The following PIAS4 variants were observed in gnomAD, a reference collection of about 807,000 sequenced individuals.
PIAS4 encodes the protein E3 SUMO-protein ligase PIAS4.
In PIAS4, 7 loss-of-function variants were observed where a neutral mutation model predicts 58.0. The ratio of observed to expected loss-of-function variants is 0.12; its 90% confidence interval spans 0.07 to 0.23. PIAS4 has a LOEUF of 0.23. PIAS4 is among the 10% of genes least tolerant of loss of function. PIAS4 has a pLI of 1.00. For synonymous variants in PIAS4, 364 were observed against 312.4 expected, an observed-to-expected ratio of 1.17 and a Z score of -1.74; for missense variants, 550 against 709.5, an observed-to-expected ratio of 0.78 and a Z score of 2.55.
At chr19:4,015,466 C>T (rs2040042936) in intron 2 of PIAS4, among the ~76,000 whole-genome samples, 1 of 152,202 alleles carries the variant, frequency 6.6e-6, no homozygotes, top group Non-Finnish European at 1.5e-5. Context: ...CATCCCCACC[C>T]TGCCTCTCTC....
At chr19:4,035,067 T>C (rs1426199859) in intron 9 of PIAS4, among the ~76,000 whole-genome samples, 1 of 151,914 alleles carries the variant, frequency 6.6e-6, no homozygotes, top group African/African-American at 2.4e-5. Context: ...AAAAGCAGTT[T>C]TGCAAGCAGG....
intron 2 of PIAS4, among the ~76,000 whole-genome samples, chr19:4,022,766 A>C (rs2040123059): frequency 6.6e-6 from 1 of 150,752 alleles, no homozygotes; most frequent in African/African-American, 2.4e-5. Flanking sequence ...TTTGCCTCTC[A>C]GCTTCAGACA....
chr19:4,037,618 C>A lies in PIAS4; in HGVS notation c.1276C>A (p.Pro426Thr). ...CACCCTGTCCCTGTTGCCCGTAGGC[C>A]CCTCGGACGCCAATGGGCTCCTGCC... ...SPQGAILVLGPSDANGLLPAP... is the reference protein window; with the variant it reads ...SPQGAILVLGTSDANGLLPAP... The change falls in exon 11 of 11, where the codon CCC becomes ACC. Residue 426 changes from proline to threonine, a missense_variant and splice_region_variant. Pro to Thr is a conservative substitution (Grantham distance 38). Coordinates refer to ENST00000262971, the MANE Select transcript of PIAS4 (RefSeq NM_015897.4). This position sits in a 1 kb window ranked among gnomAD's most constrained non-coding sequence, Gnocchi z 5.8. 1 of 1,610,094 alleles carries A rather than the reference C, an allele frequency of 6.2e-7. No homozygotes were observed. Among genetic ancestry groups the A allele is most frequent in the South Asian group, 1.1e-5 (1 of 91,082 alleles).
intron 1 of PIAS4, among the ~76,000 whole-genome samples, chr19:4,011,700 AGGTGTGTGG>A (rs1400926994): frequency 1.9e-5 from 2 of 107,800 alleles, no homozygotes; most frequent in Admixed American, 8.9e-5. Flanking sequence ...TGGGGTGTGG[AGGTGTGTGG>A]GGTGTGGAGG....
At chr19:4,021,956 C>A (rs1405523183) in intron 2 of PIAS4, among the ~76,000 whole-genome samples, 1 of 151,862 alleles carries the variant, frequency 6.6e-6, no homozygotes, top group East Asian at 1.9e-4. Context: ...ACTTTGTTGC[C>A]CAGGCTGGCC....
chr19:4,029,125 C>T (rs2040198251), intron 7 of PIAS4, 89 bp downstream of exon 7: 3 of 898,448 alleles, frequency 3.3e-6, no homozygotes, highest in Non-Finnish European at 3.5e-6. Flanking sequence ...GCCCTGCACC[C>T]GGAGGAGATC....
chr19:4,009,205 C>T (rs2039970400), intron 1 of PIAS4, among the ~76,000 whole-genome samples: 4 of 152,252 alleles, frequency 2.6e-5, no homozygotes, highest in Middle Eastern at 3.4e-3. Context: ...CTTCTCGGTC[C>T]TCTCACATTA....
Position 4,038,813 on chromosome 19 carries a change from C to G in PIAS4, c.*938C>G, listed in dbSNP as rs1490591052. 6.5e-6 allele frequency: 1 copy of G among 153,282 alleles called. No homozygotes were observed. The highest frequency in any genetic ancestry group is 6.5e-5 in the Admixed American group (1 of 15,294). 9.5% of individuals were successfully genotyped at this position (153,282 alleles called of 1,614,324 possible). A position where few individuals can be genotyped will look rare whatever the true frequency, so the allele number is the denominator to read the frequency against. On this transcript the variant is annotated 3_prime_UTR_variant, in exon 11 of 11. Transcript: ENST00000262971. This position sits in a 1 kb window ranked among gnomAD's most constrained non-coding sequence, Gnocchi z 4.1. ...CAGGGACCCCGGCCACCCCGGCTCT[C>G]GGTTTGGGTTGATTCCTCTCCTTTT...
chr19:4,037,845 C>T lies in PIAS4; in HGVS notation c.1503C>T (p.Pro501=). Residue 501 remains proline, a synonymous_variant, in exon 11 of 11, where the codon CCC becomes CCT. Transcript: ENST00000262971. This position sits in a 1 kb window ranked among gnomAD's most constrained non-coding sequence, Gnocchi z 5.8. ...GGCCCCGGCCCAAGCGCCGCTGCCC[C>T]TTCCAGAAGGGCCTGGTGCCGGCCT... ...EEGPRPKRRC[P]FQKGLVPAC 6.4e-7 allele frequency: 1 copy of T among 1,567,936 alleles called. No homozygotes were observed. The highest frequency in any genetic ancestry group is 8.6e-7 in the Non-Finnish European group (1 of 1,158,864).
chr19:4,020,418 T>C (rs1016104182), intron 2 of PIAS4, among the ~76,000 whole-genome samples: 7 of 152,134 alleles, frequency 4.6e-5, no homozygotes, highest in African/African-American at 1.7e-4. Flanking sequence ...TCGCCATCCC[T>C]GTTCTAAAGG....
chr19:4,035,384 T>C lies in PIAS4; in HGVS notation c.1142+1804T>C, dbSNP rs146447435. On this transcript the variant is annotated intron_variant, in intron 9 of 10. Transcript: ENST00000262971. ...TTTCCCTTCCTGCGGGTGGGGAGACTGAGGCCCTTTGGCTAAGACGGGTTG... is the reference window on the plus strand; with the variant it reads ...TTTCCCTTCCTGCGGGTGGGGAGACCGAGGCCCTTTGGCTAAGACGGGTTG... Among the ~76,000 whole-genome samples, 924 of 152,244 alleles carry C rather than the reference T, an allele frequency of 6.1e-3. 2 individuals are homozygous for C. The highest frequency in any genetic ancestry group is 8.5e-3 in the Non-Finnish European group (578 of 67,994).
At position 4,033,455 on chromosome 19, in the gene PIAS4, A is replaced by G. The variant is rs771233520; in HGVS notation, c.1017A>G (p.Ala339=). The G allele has an allele frequency of 6.4e-6, 10 of 1,565,616 alleles. No homozygotes were observed. Among genetic ancestry groups the G allele is most frequent in the Non-Finnish European group, 8.7e-6 (10 of 1,155,910 alleles). The stretch of plus-strand genomic sequence containing the variant: ...TGCGGCTCTCCGTGCCCTGCCGGGC[A>G]GAGACCTGTGCCCACCTGCAGTGCT... ...VKMRLSVPCR[A]ETCAHLQCFD... Residue 339 remains alanine (A), a synonymous_variant, in exon 9 of 11, where the codon GCA becomes GCG. Coordinates refer to ENST00000262971, the MANE Select transcript of PIAS4 (RefSeq NM_015897.4).
At chr19:4,031,553 C>T (rs962423515) in intron 7 of PIAS4, among the ~76,000 whole-genome samples, 3 of 152,234 alleles carry the variant, frequency 2.0e-5, no homozygotes, top group African/African-American at 7.2e-5. Flanking sequence ...CCGACCTTCC[C>T]TGCCTGTGGG....
intron 2 of PIAS4, among the ~76,000 whole-genome samples, chr19:4,020,988 T>A (rs984468291): frequency 1.3e-5 from 2 of 152,234 alleles, no homozygotes; most frequent in Admixed American, 6.5e-5. Flanking sequence ...AGGGTAGGTC[T>A]GTGCTTACCT....
In PIAS4 at chr19:4,037,866, G is replaced by T. The variant is rs779791613; in HGVS notation, c.1524G>T (p.Pro508=). ...GCCCCTTCCAGAAGGGCCTGGTGCC[G>T]GCCTGCTGACCCCGGCCGCACACTC... The part of the protein sequence containing the change: ...RRCPFQKGLV[P]AC The change falls in exon 11 of 11, where the codon CCG becomes CCT. Residue 508 remains proline, a synonymous_variant. Coordinates refer to ENST00000262971, the MANE Select transcript of PIAS4 (RefSeq NM_015897.4). This position sits in a 1 kb window ranked among gnomAD's most constrained non-coding sequence, Gnocchi z 5.8. 5 of 1,566,320 alleles carry T rather than the reference G, an allele frequency of 3.2e-6. No individual in the cohort carries two copies. Among genetic ancestry groups the T allele is most frequent in the Non-Finnish European group, 4.3e-6 (5 of 1,159,668 alleles).
intron 1 of PIAS4, among the ~76,000 whole-genome samples, chr19:4,010,161 G>A (rs1322155884): frequency 6.6e-6 from 1 of 152,234 alleles, no homozygotes; most frequent in Non-Finnish European, 1.5e-5. Flanking sequence ...TGATCTTGGG[G>A]CATTTGGGGC....
intron 2 of PIAS4, among the ~76,000 whole-genome samples, chr19:4,017,308 T>TGCCCA (rs933927511): frequency 2.0e-5 from 3 of 152,116 alleles, no homozygotes; most frequent in African/African-American, 7.2e-5. Flanking sequence ...CCCCCTGCCC[T>TGCCCA]GCCCAGCCCA....
chr19:4,025,869 C>T lies in PIAS4; in HGVS notation c.539+1749C>T, dbSNP rs557053391. ...CAGGTGGATCACGAGGTCAGAAGAT[C>T]GAGACCATCTTGGCTAACACAGTGA... On this transcript the variant is annotated intron_variant, in intron 3 of 10. Transcript: ENST00000262971. Among the ~76,000 whole-genome samples, 56 of 151,954 alleles carry T rather than the reference C, an allele frequency of 3.7e-4. No individual in the cohort carries two copies. In the South Asian group the frequency reaches 9.8e-3, roughly 27 times the overall value.
intron 7 of PIAS4, among the ~76,000 whole-genome samples, chr19:4,030,951 C>T (rs2144934822): frequency 6.6e-6 from 1 of 152,270 alleles, no homozygotes; most frequent in Admixed American, 6.5e-5. Context: ...GACCACCTGC[C>T]AGGCTGACGA....
Sources: allele counts gnomAD v4.1 joint callset (sites outside exome capture counted in the v4.1 genomes callset), GRCh38; gene constraint gnomAD v4.1.1; non-coding constraint Gnocchi (gnomAD v3.1); transcripts MANE v1.5; gene names NCBI Gene and HGNC (gene_info 2026-07-23, HGNC 2026-07-21).